KDM6A: variants seen among roughly 807,000 people sequenced by gnomAD.
KDM6A encodes lysine demethylase 6A, also known as lysine-specific demethylase 6A.
A neutral mutation model predicts 117.6 loss-of-function variants in KDM6A; 11 were observed. The observed-to-expected ratio is 0.09, with a 90% CI of 0.06 to 0.15. KDM6A has a LOEUF of 0.15. KDM6A is among the 10% of genes least tolerant of loss of function. KDM6A has a pLI of 1.00. For synonymous variants in KDM6A, 384 were observed against 396.1 expected (o/e 0.97, Z 0.36); for missense variants, 799 against 1,077.3 (o/e 0.74, Z 3.62).
Position 45,060,756 on chromosome X carries a change from C to A in KDM6A, c.1477C>A (p.Pro493Thr), listed in dbSNP as rs760590669. 9.7e-5 allele frequency: 102 copies of A among 1,053,503 alleles called. No homozygotes were observed. The South Asian group carries it at 1.9e-3, about 20-fold the overall frequency. 86.8% of individuals were successfully genotyped at this position (1,053,503 alleles called of 1,213,427 possible). ...SPAKRKRTSS[P>T]TKNTSDNWSG... ...TGCCAAGAGGAAAAGAACATCTAGTCCAACAAAGGTATATGTTTTAGAGAA... is the reference window on the plus strand; with the variant it reads ...TGCCAAGAGGAAAAGAACATCTAGTACAACAAAGGTATATGTTTTAGAGAA... Residue 493 changes from proline to threonine, a missense_variant, in exon 14 of 30, where the codon CCA (proline) becomes ACA (threonine). Coordinates refer to ENST00000611820, the MANE Select transcript of KDM6A (RefSeq NM_001291415.2).
At chrX:45,047,227 GA>G (rs1189341833) in intron 8 of KDM6A, among the ~76,000 whole-genome samples, 3 of 97,354 alleles carry the variant, frequency 3.1e-5, no homozygotes, top group African/African-American at 1.4e-4. Flanking sequence ...TCTGGGGTTT[GA>G]TTTTTTTTTT....
chrX:44,933,689 T>C (rs1363916950), intron 2 of KDM6A, among the ~76,000 whole-genome samples: 4 of 111,076 alleles, frequency 3.6e-5, no homozygotes, highest in African/African-American at 1.3e-4. Context: ...GTGATTCTCG[T>C]GCCTCAGCCT....
chrX:44,922,291 C>T (rs1050268505), intron 2 of KDM6A, among the ~76,000 whole-genome samples: 4 of 107,020 alleles, frequency 3.7e-5, no homozygotes, highest in Non-Finnish European at 7.7e-5. Context: ...TGACCTCAGG[C>T]GATCTACTTG....
At chrX:44,952,298 T>C (rs1246475968) in intron 2 of KDM6A, among the ~76,000 whole-genome samples, 1 of 103,390 alleles carries the variant, frequency 9.7e-6, no homozygotes, top group African/African-American at 3.7e-5. Context: ...TGAGACGTAG[T>C]TTTGCTGTCA....
At chrX:45,051,652 A>T in intron 8 of KDM6A, 57 bp from the exon 9 acceptor site, 2 of 646,960 alleles carry the variant, frequency 3.1e-6, no homozygotes, top group East Asian at 6.7e-5. Flanking sequence ...TAATATATGA[A>T]GTAGTTCCTT....
chrX:45,012,165 A>G (rs1431841194), intron 5 of KDM6A, among the ~76,000 whole-genome samples: 4 of 106,571 alleles, frequency 3.8e-5, no homozygotes, highest in Non-Finnish European at 7.7e-5. Context: ...AGTGAGATAC[A>G]GTACATTTTA....
At chrX:44,885,729 G>C (rs1296165764) in intron 2 of KDM6A, among the ~76,000 whole-genome samples, 3 of 109,833 alleles carry the variant, frequency 2.7e-5, no homozygotes, top group African/African-American at 1.0e-4. Flanking sequence ...AAAATTAGCC[G>C]GGCATGGTGG....
intron 2 of KDM6A, among the ~76,000 whole-genome samples, chrX:44,893,395 G>T (rs749355373): frequency 9.0e-6 from 1 of 111,299 alleles, no homozygotes; most frequent in East Asian, 2.8e-4. Flanking sequence ...TTGAGCAATT[G>T]CAAATGATGA....
chrX:45,052,884 G>GTTT (rs1569531652), intron 9 of KDM6A, among the ~76,000 whole-genome samples: 2 of 110,495 alleles, frequency 1.8e-5, no homozygotes, highest in African/African-American at 6.6e-5. Context: ...GTAGAGACAA[G>GTTT]GTCTCTCTCT....
chrX:45,006,536 G>A (rs1198145770), intron 4 of KDM6A, among the ~76,000 whole-genome samples: 1 of 110,059 alleles, frequency 9.1e-6, no homozygotes, highest in Non-Finnish European at 1.9e-5. Flanking sequence ...TCTTGGCTAG[G>A]GTTAGACCGC....
intron 4 of KDM6A, among the ~76,000 whole-genome samples, chrX:44,984,594 T>G (rs1312458980): frequency 9.0e-6 from 1 of 111,676 alleles, no homozygotes; most frequent in Non-Finnish European, 1.9e-5. Flanking sequence ...TTGTATAAGG[T>G]GTAAGGAAGG....
chrX:44,990,444 G>A (rs1453408540), intron 4 of KDM6A, among the ~76,000 whole-genome samples: 2 of 110,400 alleles, frequency 1.8e-5, no homozygotes, highest in Non-Finnish European at 3.8e-5. Flanking sequence ...GGAGGCTGAG[G>A]GAGGCTGAGG....
chrX:44,890,874 G>A (rs756096365), intron 2 of KDM6A, among the ~76,000 whole-genome samples: 146 of 109,372 alleles, frequency 1.3e-3, no homozygotes, highest in South Asian at 2.4e-3. Context: ...AGGCTGGCTC[G>A]AACTCCTGAC....
chrX:44,892,415 G>C (rs757822077), intron 2 of KDM6A, among the ~76,000 whole-genome samples: 1 of 111,583 alleles, frequency 9.0e-6, no homozygotes, highest in African/African-American at 3.3e-5. Flanking sequence ...AAAGCTGGGC[G>C]TGGTGGCTCA....
chrX:44,901,382 G>C (rs979973063), intron 2 of KDM6A, among the ~76,000 whole-genome samples: 2 of 110,452 alleles, frequency 1.8e-5, no homozygotes, highest in Non-Finnish European at 3.8e-5. Flanking sequence ...ATATATACGG[G>C]GACTTGTTTT....
chrX:44,956,818 A>G (rs1342305386), intron 2 of KDM6A, among the ~76,000 whole-genome samples: 3 of 111,018 alleles, frequency 2.7e-5, no homozygotes, highest in Non-Finnish European at 3.8e-5. Flanking sequence ...GTGTATGCGT[A>G]TGGTTGGCTT....
At chrX:44,954,869 G>A (rs1410902973) in intron 2 of KDM6A, among the ~76,000 whole-genome samples, 1 of 111,216 alleles carries the variant, frequency 9.0e-6, no homozygotes, top group Non-Finnish European at 1.9e-5. Flanking sequence ...TAACGGTGTA[G>A]TACGGGCATT....
At chrX:44,937,225 A>G (rs937545558) in intron 2 of KDM6A, among the ~76,000 whole-genome samples, 2 of 111,044 alleles carry the variant, frequency 1.8e-5, no homozygotes, top group East Asian at 2.8e-4. Context: ...GATGTTTTCA[A>G]TGGATTAGAG....
intron 8 of KDM6A, among the ~76,000 whole-genome samples, chrX:45,042,255 GAGGGAGAGGGGAGAGGGGAGAGGGGAGA>G (rs1161859127): frequency 1.7e-5 from 1 of 60,541 alleles, no homozygotes; most frequent in Non-Finnish European, 2.6e-5. Context: ...GGAGACCGTG[GAGGGAGAGGGGAGAGGGGAGAGGGGAGA>G]GGGGAGAGGG....
Sources: allele counts gnomAD v4.1 joint callset (sites outside exome capture counted in the v4.1 genomes callset), GRCh38; gene constraint gnomAD v4.1.1; transcripts MANE v1.5; gene names NCBI Gene and HGNC (gene_info 2026-07-23, HGNC 2026-07-21).